The following PGM5 variants were observed in gnomAD, a reference collection of about 807,000 sequenced individuals.
PGM5 encodes phosphoglucomutase 5.
Under a neutral mutation model 59.2 loss-of-function variants are expected in PGM5, and 23 were observed. The ratio of observed to expected loss-of-function variants is 0.39; its 90% confidence interval spans 0.28 to 0.55. PGM5 has a LOEUF of 0.55. Ranked by LOEUF, PGM5 falls within the 20% of genes least tolerant of loss-of-function variation. The pLI is 0.66. For synonymous variants in PGM5, 214 were observed against 286.0 expected (o/e 0.75, Z 2.54); for missense variants, 574 against 748.3 (o/e 0.77, Z 2.72).
chr9:68,443,685 A>G (rs1356827208), intron 6 of PGM5, among the ~76,000 whole-genome samples: 1 of 152,254 alleles, frequency 6.6e-6, no homozygotes, highest in Non-Finnish European at 1.5e-5. Flanking sequence ...AGCAGAAGAT[A>G]GACGGTCATT....
chr9:68,443,275 A>T lies in PGM5; in HGVS notation c.1044-21818A>T, dbSNP rs1158127. On this transcript the variant is annotated intron_variant, in intron 6 of 10. Coordinates refer to ENST00000396396, the MANE Select transcript of PGM5 (RefSeq NM_021965.4). Reference sequence around the variant, plus strand: ...AAAGGAGCCCAACTCAAAATGTCACATACTGTATCATCCCATTTGTATTAT... The same window carrying T: ...AAAGGAGCCCAACTCAAAATGTCACTTACTGTATCATCCCATTTGTATTAT... Among the ~76,000 whole-genome samples, 3 of 152,286 alleles carry T rather than the reference A, an allele frequency of 2.0e-5. No homozygotes were observed. In the East Asian group the frequency reaches 5.8e-4, roughly 29 times the overall value.
intron 6 of PGM5, among the ~76,000 whole-genome samples, chr9:68,403,973 G>A (rs575227685): frequency 6.6e-6 from 1 of 152,320 alleles, no homozygotes; most frequent in South Asian, 2.1e-4. Context: ...GTAGTTCAAG[G>A]TAAGGTTGGA....
rs1239835381 is a variant in PGM5, at chr9:68,429,646, A to T, written c.1044-35447A>T. Among the ~76,000 whole-genome samples the T allele has an allele frequency of 3.9e-5, 6 of 152,352 alleles. No individual in the cohort carries two copies. The South Asian group carries it at 1.0e-3, about 26-fold the overall frequency. On this transcript the variant is annotated intron_variant, in intron 6 of 10. Coordinates refer to ENST00000396396, the MANE Select transcript of PGM5 (RefSeq NM_021965.4). ...TAGAATGAAATAGGGGGTGACAAAT[A>T]TCCCCCTCTGCAATTTTTCATTGAT...
At position 68,472,875 on chromosome 9, in the gene PGM5, A is replaced by G. The variant is rs1278984982; in HGVS notation, c.1160-6543A>G. Among the ~76,000 whole-genome samples, 3 of 152,302 alleles carry G rather than the reference A, an allele frequency of 2.0e-5. No homozygotes were observed. In the East Asian group the frequency reaches 5.8e-4, roughly 29 times the overall value. ...GGAGCCACATTGCCCACAGCACAGGATGTGTCCTTTGCTGCTGTCTGACTC... is the reference window on the plus strand; with the variant it reads ...GGAGCCACATTGCCCACAGCACAGGGTGTGTCCTTTGCTGCTGTCTGACTC... On this transcript the variant is annotated intron_variant, in intron 7 of 10. Transcript: ENST00000396396.
At chr9:68,401,885 ATATATGTGTGTGTGTGTGTGTGTG>A (rs782049697) in intron 6 of PGM5, among the ~76,000 whole-genome samples, 77 of 104,190 alleles carry the variant, frequency 7.4e-4, no homozygotes, top group Non-Finnish European at 1.3e-3. Flanking sequence ...AGCTATATAT[ATATATGTGTGTGTGTGTGTGTGTG>A]TGTGTGTGTG....
At chr9:68,466,717 G>A (rs1554685855) in intron 7 of PGM5, among the ~76,000 whole-genome samples, 2 of 152,160 alleles carry the variant, frequency 1.3e-5, no homozygotes, top group Non-Finnish European at 1.5e-5. Flanking sequence ...AATTCCCCCA[G>A]CAGTGGCATA....
intron 6 of PGM5, among the ~76,000 whole-genome samples, chr9:68,412,573 A>C (rs1229787616): frequency 1.3e-5 from 2 of 152,212 alleles, no homozygotes; most frequent in African/African-American, 4.8e-5. Flanking sequence ...TGATGGATCC[A>C]TCTGCACAGG....
chr9:68,437,259 T>C lies in PGM5; in HGVS notation c.1044-27834T>C, dbSNP rs1352638280. Among the ~76,000 whole-genome samples the C allele has an allele frequency of 6.6e-6, 1 of 152,220 alleles. No individual in the cohort carries two copies. Among genetic ancestry groups the C allele is most frequent in the African/African-American group, 2.4e-5 (1 of 41,470 alleles). On this transcript the variant is annotated intron_variant, in intron 6 of 10. Coordinates refer to ENST00000396396, the MANE Select transcript of PGM5 (RefSeq NM_021965.4). This position sits in a 1 kb window ranked among gnomAD's most constrained non-coding sequence, Gnocchi z 4.1. ...AGATTTTTCTCTCTTTTATTAATTT[T>C]CTCCTCTTGTTTTATTACATCTGGG...
chr9:68,458,974 G>A (rs1554685167), intron 6 of PGM5, among the ~76,000 whole-genome samples: 1 of 152,174 alleles, frequency 6.6e-6, no homozygotes, highest in East Asian at 1.9e-4. Context: ...CCAGCCAGCA[G>A]TGCTAGACAT....
chr9:68,485,534 T>C (rs1175725158), intron 9 of PGM5, among the ~76,000 whole-genome samples: 1 of 152,206 alleles, frequency 6.6e-6, no homozygotes, highest in East Asian at 1.9e-4. Context: ...ATGTAAGACA[T>C]GTGTTTGCTC....
chr9:68,378,088 G>T lies in PGM5; in HGVS notation c.262-111G>T. ...CCTCCCCTAATCTAAAGCCTACTCT[G>T]TTTCTTTTATCAAGTTATTGGCTGT... On this transcript the variant is annotated intron_variant, in intron 1 of 10. Transcript: ENST00000396396. The T allele has an allele frequency of 3.2e-6, 3 of 939,374 alleles. No individual in the cohort carries two copies. The South Asian group carries it at 6.2e-5, about 20-fold the overall frequency. 58.2% of individuals were successfully genotyped at this position (939,374 alleles called of 1,614,324 possible).
intron 10 of PGM5, among the ~76,000 whole-genome samples, chr9:68,501,063 G>T (rs1255132344): frequency 2.0e-5 from 3 of 151,826 alleles, no homozygotes; most frequent in Non-Finnish European, 2.9e-5. Flanking sequence ...TGCTGGTTTT[G>T]GTCCCCATGA....
chr9:68,432,111 T>A (rs1171767767), intron 6 of PGM5, among the ~76,000 whole-genome samples: 2 of 152,222 alleles, frequency 1.3e-5, no homozygotes, highest in African/African-American at 4.8e-5. Context: ...AGAATCACTA[T>A]TAACAGTGGT....
At chr9:68,493,437 A>G (rs896565591) in intron 9 of PGM5, among the ~76,000 whole-genome samples, 1 of 152,232 alleles carries the variant, frequency 6.6e-6, no homozygotes, top group African/African-American at 2.4e-5. Context: ...GTAGTTGCAT[A>G]TGGTTCAACC....
intron 10 of PGM5, among the ~76,000 whole-genome samples, chr9:68,508,670 G>T (rs148415015): frequency 2.0e-5 from 3 of 152,154 alleles, no homozygotes; most frequent in African/African-American, 7.2e-5. Flanking sequence ...AATTTGCAGC[G>T]GTCACACAAG....
chr9:68,482,655 TCCTCCAAGTGACTTGGGTGCAGCTGCC>T lies in PGM5; in HGVS notation c.1296-1204_1296-1178del, dbSNP rs1296194211. On this transcript the variant is annotated intron_variant, in intron 8 of 10. Coordinates refer to ENST00000396396, the MANE Select transcript of PGM5 (RefSeq NM_021965.4). ...TGCTACAGGAAGCCCAAATGTAAGA[TCCTCCAAGTGACTTGGGTGCAGCTGCC>T]CCTCCTATGGCTTCCTTCTTAAACA... Among the ~76,000 whole-genome samples the T allele has an allele frequency of 3.3e-5, 5 of 152,304 alleles. No individual in the cohort carries two copies. The East Asian group carries it at 9.6e-4, about 29-fold the overall frequency.
intron 10 of PGM5, among the ~76,000 whole-genome samples, chr9:68,499,774 A>T (rs1824543198): frequency 6.6e-6 from 1 of 152,224 alleles, no homozygotes; most frequent in Non-Finnish European, 1.5e-5. Flanking sequence ...GTGCCAATAC[A>T]GATGGGCTTT....
intron 7 of PGM5, chr9:68,466,296 C>G (rs1554685810): frequency 1.4e-6 from 1 of 700,996 alleles, no homozygotes; most frequent in South Asian, 2.5e-5. Flanking sequence ...TAGCATTTCT[C>G]TTTGACTCTT....
At chr9:68,393,970 A>G (rs560289025) in intron 6 of PGM5, 2 of 152,314 alleles carry the variant, frequency 1.3e-5, no homozygotes, top group South Asian at 4.1e-4. Context: ...GTGGGTATGG[A>G]TGAATAAAAA....
Sources: allele counts gnomAD v4.1 joint callset (sites outside exome capture counted in the v4.1 genomes callset), GRCh38; gene constraint gnomAD v4.1.1; non-coding constraint Gnocchi (gnomAD v3.1); transcripts MANE v1.5; gene names NCBI Gene and HGNC (gene_info 2026-07-23, HGNC 2026-07-21).